The following SNX29 variants were observed in gnomAD, a reference collection of about 807,000 sequenced individuals.
SNX29 encodes the protein sorting nexin 29, also known as sorting nexin-29.
A neutral mutation model predicts 102.1 loss-of-function variants in SNX29; 78 were observed. The ratio of observed to expected loss-of-function variants is 0.76; its 90% CI spans 0.64 to 0.92. The LOEUF (loss-of-function observed/expected upper bound fraction) is 0.92, where lower values mean the gene tolerates loss of function less well. Among genes scored for constraint, SNX29 ranks in the 40% least tolerant of loss-of-function variants. The pLI, the probability that SNX29 is intolerant of heterozygous loss-of-function variation, is 0.00. For missense variants in SNX29, 1,280 were observed against 1,061.7 expected (o/e 1.21, Z -2.86); for synonymous variants, 580 against 414.5 (o/e 1.40, Z -4.85).
At position 12,563,731 on chromosome 16, in the gene SNX29, G is replaced by A. The variant is rs1478932614; in HGVS notation, c.2319-4775G>A. Among the ~76,000 whole-genome samples the A allele has an allele frequency of 3.3e-5, 5 of 152,244 alleles. No individual in the cohort carries two copies. The East Asian group carries it at 7.7e-4, about 23-fold the overall frequency. On this transcript the variant is annotated intron_variant, in intron 20 of 20. Transcript: ENST00000566228. ...CATGAGGAAAGCCAGAGATGGCACTGTCATTCTTTACCCAACAGCCACAAC... is the reference window on the plus strand; with the variant it reads ...CATGAGGAAAGCCAGAGATGGCACTATCATTCTTTACCCAACAGCCACAAC...
chr16:12,329,838 C>A (rs939359340), intron 15 of SNX29, among the ~76,000 whole-genome samples: 1 of 152,180 alleles, frequency 6.6e-6, no homozygotes, highest in East Asian at 1.9e-4. Flanking sequence ...TTGAATAGCA[C>A]AAAGATCACT....
intron 18 of SNX29, among the ~76,000 whole-genome samples, chr16:12,438,800 G>C (rs1351784218): frequency 1.3e-5 from 2 of 152,340 alleles, no homozygotes; most frequent in Admixed American, 6.5e-5. Flanking sequence ...AGCTAACCAG[G>C]TGTAGGGGTG....
In SNX29 at chr16:12,477,269, G is replaced by A. The variant is rs568857918; in HGVS notation, c.2038-450G>A. Among the ~76,000 whole-genome samples the A allele has an allele frequency of 7.2e-4, 109 of 152,222 alleles. 1 individual carries two copies. Among genetic ancestry groups the A allele is most frequent in the Non-Finnish European group, 3.8e-4 (26 of 68,010 alleles). On this transcript the variant is annotated intron_variant, in intron 18 of 20. Transcript: ENST00000566228. ...TTCCACCTCATCTGTGTGGTGGTCG[G>A]TGTGGTCCCAGGCACCACCACATTG...
At chr16:12,027,225 A>G in intron 3 of SNX29, 95 bp from the exon 4 acceptor site, 14 of 1,518,016 alleles carry the variant, frequency 9.2e-6, no homozygotes, top group Non-Finnish European at 1.3e-5. Flanking sequence ...TGAGGTTTAC[A>G]CCTGGCGGCT....
chr16:12,399,662 C>T (rs1251504574), intron 17 of SNX29, among the ~76,000 whole-genome samples: 5 of 151,602 alleles, frequency 3.3e-5, no homozygotes, highest in African/African-American at 9.7e-5. Flanking sequence ...CTTGTGGTGG[C>T]GATGAGTGAG....
chr16:12,380,637 A>AT (rs2083059415), intron 16 of SNX29, among the ~76,000 whole-genome samples: 1 of 89,102 alleles, frequency 1.1e-5, no homozygotes. Context: ...CCCACCATCC[A>AT]TCCATCCACC....
At chr16:12,523,467 C>G (rs551688627) in intron 19 of SNX29, among the ~76,000 whole-genome samples, 1 of 152,196 alleles carries the variant, frequency 6.6e-6, no homozygotes, top group Non-Finnish European at 1.5e-5. Flanking sequence ...TTGTCCCGGC[C>G]CCGATGCTCA....
intron 20 of SNX29, among the ~76,000 whole-genome samples, chr16:12,568,245 T>C (rs2079095326): frequency 6.8e-6 from 1 of 147,808 alleles, no homozygotes; most frequent in Admixed American, 6.8e-5. Flanking sequence ...ACCGGAACGG[T>C]GGTACCATGA....
intron 20 of SNX29, among the ~76,000 whole-genome samples, chr16:12,567,509 G>A (rs1312375183): frequency 6.6e-6 from 1 of 152,104 alleles, no homozygotes; most frequent in Non-Finnish European, 1.5e-5. Flanking sequence ...GATTGGCCAG[G>A]CACAGTGGCT....
At chr16:12,539,453 G>A (rs771912796) in intron 20 of SNX29, among the ~76,000 whole-genome samples, 3 of 152,174 alleles carry the variant, frequency 2.0e-5, no homozygotes, top group Non-Finnish European at 2.9e-5. Flanking sequence ...AGCAGAGTTT[G>A]GTTAAATGGA....
chr16:12,413,434 T>C (rs2084488855), intron 18 of SNX29, among the ~76,000 whole-genome samples: 1 of 151,852 alleles, frequency 6.6e-6, no homozygotes, highest in African/African-American at 2.4e-5. Flanking sequence ...ACTTACCGAA[T>C]GGCAGCCAGG....
chr16:12,062,376 C>CT (rs1228311472), intron 9 of SNX29, among the ~76,000 whole-genome samples: 9 of 75,592 alleles, frequency 1.2e-4, no homozygotes, highest in Non-Finnish European at 2.2e-4. Flanking sequence ...GACTCTGTCT[C>CT]AAAATAAATA....
intron 4 of SNX29, among the ~76,000 whole-genome samples, chr16:12,028,545 T>A (rs965110119): frequency 1.6e-4 from 24 of 151,746 alleles, no homozygotes; most frequent in African/African-American, 5.1e-4. Flanking sequence ...TAAACTTTTA[T>A]AGAGACAGAG....
At chr16:12,331,039 C>T (rs2151212788) in intron 15 of SNX29, among the ~76,000 whole-genome samples, 1 of 152,352 alleles carries the variant, frequency 6.6e-6, no homozygotes, top group East Asian at 1.9e-4. Context: ...TAGCCAACTA[C>T]AGTTCCTTGC....
intron 13 of SNX29, among the ~76,000 whole-genome samples, chr16:12,166,633 A>G (rs1324209009): frequency 6.6e-6 from 1 of 152,158 alleles, no homozygotes; most frequent in Non-Finnish European, 1.5e-5. Context: ...CAAGAAGGAT[A>G]TGAATTGTTA....
chr16:12,459,970 C>G (rs1006587640), intron 18 of SNX29, among the ~76,000 whole-genome samples: 3 of 152,234 alleles, frequency 2.0e-5, no homozygotes, highest in Non-Finnish European at 4.4e-5. Context: ...AGAGAAGTGC[C>G]TGGCTCCCAG....
chr16:12,001,268 C>A (rs1186612048), intron 2 of SNX29, among the ~76,000 whole-genome samples: 1 of 152,074 alleles, frequency 6.6e-6, no homozygotes, highest in Non-Finnish European at 1.5e-5. Flanking sequence ...CGTGCCATCA[C>A]ACCCGGCTAA....
chr16:12,106,271 G>C (rs1373536310), intron 11 of SNX29, among the ~76,000 whole-genome samples: 1 of 152,070 alleles, frequency 6.6e-6, no homozygotes, highest in Non-Finnish European at 1.5e-5. Context: ...GCTGTTGTCT[G>C]GTTTCTGTGA....
chr16:12,562,485 A>T lies in SNX29; in HGVS notation c.2319-6021A>T, dbSNP rs1359372876. Among the ~76,000 whole-genome samples the T allele has an allele frequency of 5.3e-5, 8 of 152,330 alleles. No homozygotes were observed. In the Middle Eastern group the frequency reaches 0.01, roughly 194 times the overall value. ...TTCATAGGCTAGGAACTCGAGTCCT[A>T]GAAAGGAGCATCGTGAGCAGCCCAA... On this transcript the variant is annotated intron_variant, in intron 20 of 20. Coordinates refer to ENST00000566228, the MANE Select transcript of SNX29 (RefSeq NM_032167.5).
Sources: allele counts gnomAD v4.1 joint callset (sites outside exome capture counted in the v4.1 genomes callset), GRCh38; gene constraint gnomAD v4.1.1; transcripts MANE v1.5; gene names NCBI Gene and HGNC (gene_info 2026-07-23, HGNC 2026-07-21).